TMEM108: variants seen among roughly 807,000 people sequenced by gnomAD.
The protein encoded by TMEM108 is cancer/testis antigen 124.
A neutral mutation model predicts 35.1 loss-of-function variants in TMEM108; 12 were observed. That is an observed-to-expected ratio of 0.34 (90% confidence interval 0.22 to 0.55). The LOEUF is 0.55. Among genes scored for constraint, TMEM108 ranks in the 20% least tolerant of loss-of-function variants. The probability of loss-of-function intolerance (pLI) is 0.89; values close to 1 mark genes in which losing one functional copy is unlikely to be tolerated. For synonymous variants in TMEM108, 287 were observed against 308.6 expected (o/e 0.93, Z 0.73); for missense variants, 680 against 753.3 (o/e 0.90, Z 1.14).
At chr3:133,387,921 G>A in intron 4 of TMEM108, 9 of 985,388 alleles carry the variant, frequency 9.1e-6, no homozygotes, top group Non-Finnish European at 1.1e-5. Flanking sequence ...TAGATCAGAG[G>A]CACAAATATC....
At chr3:133,298,767 C>T (rs1356645030) in intron 3 of TMEM108, among the ~76,000 whole-genome samples, 2 of 152,198 alleles carry the variant, frequency 1.3e-5, no homozygotes, top group East Asian at 1.9e-4. Flanking sequence ...CAGAGATGGG[C>T]GTGTGCTCAG....
intron 3 of TMEM108, among the ~76,000 whole-genome samples, chr3:133,290,041 G>T (rs1410417979): frequency 6.6e-6 from 1 of 152,220 alleles, no homozygotes; most frequent in Admixed American, 6.5e-5. Flanking sequence ...TCCCTGCCCC[G>T]ATGAGTCTGC....
At chr3:133,327,961 G>A (rs887862898) in intron 3 of TMEM108, among the ~76,000 whole-genome samples, 2 of 152,126 alleles carry the variant, frequency 1.3e-5, no homozygotes, top group East Asian at 1.9e-4. Flanking sequence ...CCCCAATTCC[G>A]TTTGTTGGAC....
chr3:133,298,992 A>G lies in TMEM108; in HGVS notation c.40+69641A>G, dbSNP rs1320070165. ...TGTTTTGAGCTGACAGACAGGGGTG[A>G]CAGTCTTACATGAATTCCCATTGGG... On this transcript the variant is annotated intron_variant, in intron 3 of 5. Coordinates refer to ENST00000321871, the MANE Select transcript of TMEM108 (RefSeq NM_023943.4). 2.6e-5 allele frequency among the ~76,000 whole-genome samples: 4 copies of G among 152,294 alleles called. No homozygotes were observed. In the East Asian group the frequency reaches 5.8e-4, roughly 22 times the overall value.
Position 133,214,054 on chromosome 3 carries a change from T to A in TMEM108, c.-46-15212T>A, listed in dbSNP as rs765234946. ...AATTAACAGAGACAACTCTCTCAAATTGAGCTCTGGCCCAGTTTGTCTTGC... is the reference window on the plus strand; with the variant it reads ...AATTAACAGAGACAACTCTCTCAAAATGAGCTCTGGCCCAGTTTGTCTTGC... On this transcript the variant is annotated intron_variant, in intron 2 of 5. Coordinates refer to ENST00000321871, the MANE Select transcript of TMEM108 (RefSeq NM_023943.4). Among the ~76,000 whole-genome samples the A allele has an allele frequency of 2.0e-5, 3 of 152,176 alleles. No individual in the cohort carries two copies. In the South Asian group the frequency reaches 6.2e-4, roughly 32 times the overall value.
At chr3:133,252,201 C>G (rs1170250404) in intron 3 of TMEM108, among the ~76,000 whole-genome samples, 1 of 152,038 alleles carries the variant, frequency 6.6e-6, no homozygotes, top group Non-Finnish European at 1.5e-5. Flanking sequence ...GAAAGAAAAA[C>G]ATGATTCATT....
At chr3:133,358,169 C>CT (rs11339689) in intron 3 of TMEM108, among the ~76,000 whole-genome samples, 1,795 of 143,254 alleles carry the variant, frequency 0.013, 38 homozygotes, top group African/African-American at 0.042. Flanking sequence ...AGTCTATGGT[C>CT]TTTTTTTTTT....
chr3:133,181,022 A>AC lies in TMEM108; in HGVS notation c.-46-48244_-46-48243insC, dbSNP rs1945332397. ...GGCAGTTGTGTTAAAAAAAAAAAAA[A>AC]AAAAAAAAAAAAAAAACAGCACTCC... On this transcript the variant is annotated intron_variant, in intron 2 of 5. Coordinates refer to ENST00000321871, the MANE Select transcript of TMEM108 (RefSeq NM_023943.4). 3.6e-4 allele frequency among the ~76,000 whole-genome samples: 52 copies of AC among 144,486 alleles called. 1 individual carries two copies. Among genetic ancestry groups the AC allele is most frequent in the African/African-American group, 1.4e-3 (50 of 36,318 alleles). The allele number at this position is 144,486 out of a possible 152,430, so 94.8% of individuals were successfully genotyped here. A position where few individuals can be genotyped will look rare whatever the true frequency, so the allele number is the denominator to read the frequency against.
chr3:133,379,739 T>C lies in TMEM108; in HGVS notation c.41-13T>C. On this transcript the variant is annotated splice_polypyrimidine_tract_variant and intron_variant, in intron 3 of 5. Coordinates refer to ENST00000321871, the MANE Select transcript of TMEM108 (RefSeq NM_023943.4). ...CCAAGTATTTTACCTCTTCTCTCTGTCTCCTTTTCAAGGTTTCCTGCTGAT... is the reference window on the plus strand; with the variant it reads ...CCAAGTATTTTACCTCTTCTCTCTGCCTCCTTTTCAAGGTTTCCTGCTGAT... 1.2e-6 allele frequency: 2 copies of C among 1,609,902 alleles called. No individual in the cohort carries two copies.
intron 4 of TMEM108, among the ~76,000 whole-genome samples, chr3:133,384,133 TG>T (rs2073084175): frequency 6.6e-6 from 1 of 152,198 alleles, no homozygotes; most frequent in Non-Finnish European, 1.5e-5. Flanking sequence ...AAGGGCCCCT[TG>T]TTTTGGACCT....
intron 3 of TMEM108, among the ~76,000 whole-genome samples, chr3:133,358,487 G>C (rs910563041): frequency 2.0e-5 from 3 of 152,090 alleles, no homozygotes; most frequent in Non-Finnish European, 4.4e-5. Flanking sequence ...TAGTCTTACA[G>C]ATGGAGATGC....
chr3:133,182,266 T>C (rs528265045), intron 2 of TMEM108, among the ~76,000 whole-genome samples: 84 of 152,290 alleles, frequency 5.5e-4, no homozygotes, highest in African/African-American at 1.9e-3. Context: ...GGACCAATAG[T>C]CCTAAGTCGA....
chr3:133,080,797 T>C (rs1943799785), intron 2 of TMEM108, among the ~76,000 whole-genome samples: 1 of 152,220 alleles, frequency 6.6e-6, no homozygotes, highest in Non-Finnish European at 1.5e-5. Flanking sequence ...TCCTAGTACT[T>C]AATATTTGGA....
At chr3:133,223,921 C>G (rs988614436) in intron 2 of TMEM108, among the ~76,000 whole-genome samples, 1 of 152,226 alleles carries the variant, frequency 6.6e-6, no homozygotes, top group Non-Finnish European at 1.5e-5. Context: ...AATGGTGCTT[C>G]TAGTTGGGAT....
At chr3:133,211,221 C>T (rs1347428527) in intron 2 of TMEM108, among the ~76,000 whole-genome samples, 5 of 152,156 alleles carry the variant, frequency 3.3e-5, no homozygotes, top group East Asian at 3.9e-4. Context: ...ACATGTAAAA[C>T]GTTCTGGTAA....
rs558657716 is a variant in TMEM108 at position 133,122,850 on chromosome 3, G to A, written c.-47+76830G>A. Among the ~76,000 whole-genome samples, 11 of 129,490 alleles carry A rather than the reference G, an allele frequency of 8.5e-5. No individual in the cohort carries two copies. In the South Asian group the frequency reaches 2.9e-3, roughly 35 times the overall value. 85.0% of individuals were successfully genotyped at this position (129,490 alleles called of 152,430 possible). On this transcript the variant is annotated intron_variant, in intron 2 of 5. Coordinates refer to ENST00000321871, the MANE Select transcript of TMEM108 (RefSeq NM_023943.4). ...TGTACTCCAGCCTGGGCAACAGAGC[G>A]AGACTCCATCTCAAAAAAAAAAAAA...
chr3:133,127,718 T>A (rs1157521513), intron 2 of TMEM108, among the ~76,000 whole-genome samples: 1 of 152,228 alleles, frequency 6.6e-6, no homozygotes, highest in Non-Finnish European at 1.5e-5. Flanking sequence ...TAGGCCCCCT[T>A]TATCTTTCTC....
chr3:133,178,464 T>C (rs889687044), intron 2 of TMEM108, among the ~76,000 whole-genome samples: 3 of 151,892 alleles, frequency 2.0e-5, no homozygotes, highest in Non-Finnish European at 2.9e-5. Flanking sequence ...AACAGAGATA[T>C]AGACCAATGG....
intron 3 of TMEM108, among the ~76,000 whole-genome samples, chr3:133,315,370 A>G (rs543095411): frequency 6.6e-6 from 1 of 152,234 alleles, no homozygotes; most frequent in East Asian, 1.9e-4. Flanking sequence ...TCTTTTGTGC[A>G]TTTTGTTACC....
Sources: allele counts gnomAD v4.1 joint callset (sites outside exome capture counted in the v4.1 genomes callset), GRCh38; gene constraint gnomAD v4.1.1; transcripts MANE v1.5; gene names NCBI Gene and HGNC (gene_info 2026-07-23, HGNC 2026-07-21).